The following PPCS variants were observed in gnomAD, a reference collection of about 807,000 sequenced individuals.
PPCS encodes the protein phosphopantothenoylcysteine synthetase, also known as phosphopantothenate--cysteine ligase.
A neutral mutation model predicts 24.6 loss-of-function variants in PPCS; 17 were observed. That is an observed-to-expected ratio of 0.69 (90% confidence interval 0.47 to 1.04). PPCS has a LOEUF of 1.04. PPCS is among the 50% of genes least tolerant of loss of function. The pLI, the probability that PPCS is intolerant of heterozygous loss-of-function variation, is 0.00. For missense variants in PPCS, 360 were observed against 402.8 expected, an observed-to-expected ratio of 0.89 and a Z score of 0.91; for synonymous variants, 190 against 168.3, an observed-to-expected ratio of 1.13 and a Z score of -1.00.
chr1:42,456,634 G>A lies in PPCS; in HGVS notation c.69G>A (p.Met23Ile), dbSNP rs1449819817. The A allele has an allele frequency of 6.4e-7, 1 of 1,565,556 alleles. No homozygotes were observed. Among genetic ancestry groups the A allele is most frequent in the Non-Finnish European group, 8.6e-7 (1 of 1,160,346 alleles). ...PPGAARWAEVMARFAARLGAQ... is the reference protein window; with the variant it reads ...PPGAARWAEVIARFAARLGAQ... ...GTGCTGCGCGCTGGGCTGAGGTTAT[G>A]GCTCGCTTCGCGGCCAGGCTGGGCG... Residue 23 changes from methionine (M) to isoleucine (I), a missense_variant, in exon 1 of 3, where the codon ATG (methionine) becomes ATA (isoleucine). By Grantham distance (10) the Met-to-Ile change is conservative (BLOSUM62 1). Transcript: ENST00000372561.
chr1:42,461,799 C>G (rs1643420244), downstream of PPCS, among the ~76,000 whole-genome samples: 1 of 152,122 alleles, frequency 6.6e-6, no homozygotes, highest in Non-Finnish European at 1.5e-5. Flanking sequence ...CCCGCCCCGG[C>G]CTTCCAAAGT....
At chr1:42,472,299 C>A (rs1008061859) in intron 2 of PPCS, among the ~76,000 whole-genome samples, 2 of 152,104 alleles carry the variant, frequency 1.3e-5, no homozygotes, top group African/African-American at 4.8e-5. Context: ...GATATCACTT[C>A]ATCGATCAGC....
intron 2 of PPCS, among the ~76,000 whole-genome samples, chr1:42,472,708 A>T (rs1643811336): frequency 6.6e-6 from 1 of 152,120 alleles, no homozygotes; most frequent in Non-Finnish European, 1.5e-5. Flanking sequence ...TTATTTTAGA[A>T]GATACACAGT....
At position 42,459,836 on chromosome 1, in the gene PPCS, G is replaced by A; in HGVS notation, c.846G>A (p.Glu282=). 6.2e-7 allele frequency: 1 copy of A among 1,614,158 alleles called. No homozygotes were observed. The highest frequency in any genetic ancestry group is 8.5e-7 in the Non-Finnish European group (1 of 1,180,032). Residue 282 remains glutamate (E), a synonymous_variant, in exon 3 of 3, where the codon GAG becomes GAA. Transcript: ENST00000372561. The part of the protein sequence containing the change: ...KDSETKLLLS[E]EEIEKGVEIE... ...CGGAAACCAAGTTATTGCTATCAGAGGAAGAAATAGAAAAAGGCGTAGAGA... is the reference window on the plus strand; with the variant it reads ...CGGAAACCAAGTTATTGCTATCAGAAGAAGAAATAGAAAAAGGCGTAGAGA...
chr1:42,457,166 G>C, intron 1 of PPCS, 81 bp from the exon 2 acceptor site: 3 of 1,600,656 alleles, frequency 1.9e-6, no homozygotes, highest in Non-Finnish European at 1.7e-6. Flanking sequence ...ACGGATCTCA[G>C]CTGGGGAACC....
In PPCS at chr1:42,461,167, G is replaced by A. The variant is rs1643400788; in HGVS notation, c.*1241G>A. On this transcript the variant is annotated 3_prime_UTR_variant, in exon 3 of 3. Coordinates refer to ENST00000372561, the MANE Select transcript of PPCS (RefSeq NM_024664.4). ...CAATTCATGGTGTTTCATGGAGTAG[G>A]GAAGGGTAGCCCCTGTGTCTGTCTG... Among the ~76,000 whole-genome samples, 1 of 152,150 alleles carries A rather than the reference G, an allele frequency of 6.6e-6. No individual in the cohort carries two copies. Among genetic ancestry groups the A allele is most frequent in the African/African-American group, 2.4e-5 (1 of 41,424 alleles).
intron 1 of PPCS, 32 bp from the exon 2 acceptor site, chr1:42,457,215 G>A (rs1557776238): frequency 3.1e-6 from 5 of 1,613,462 alleles, no homozygotes; most frequent in Admixed American, 3.3e-5. Flanking sequence ...GTACCTCGCC[G>A]ATTTGTTAAC....
intron 2 of PPCS, among the ~76,000 whole-genome samples, chr1:42,467,524 G>A (rs2148434274): frequency 6.6e-6 from 1 of 152,312 alleles, no homozygotes; most frequent in Non-Finnish European, 1.5e-5. Flanking sequence ...TATGTTGACA[G>A]TGATTTTAAC....
downstream of PPCS, among the ~76,000 whole-genome samples, chr1:42,465,353 T>G: frequency 6.6e-6 from 1 of 151,792 alleles, no homozygotes; most frequent in East Asian, 1.9e-4. Flanking sequence ...TTTTTTTTGT[T>G]TTTGTTTTTG....
In PPCS at chr1:42,456,631, T is replaced by C; in HGVS notation, c.66T>C (p.Val22=). The part of the protein sequence containing the change: ...QPPGAARWAE[V]MARFAARLGA... ...CCGGTGCTGCGCGCTGGGCTGAGGT[T>C]ATGGCTCGCTTCGCGGCCAGGCTGG... The change falls in exon 1 of 3, where the codon GTT becomes GTC. Residue 22 remains valine, a synonymous_variant. Coordinates refer to ENST00000372561, the MANE Select transcript of PPCS (RefSeq NM_024664.4). The C allele has an allele frequency of 1.9e-6, 3 of 1,562,958 alleles. No individual in the cohort carries two copies. Among genetic ancestry groups the C allele is most frequent in the African/African-American group, 1.4e-5 (1 of 73,930 alleles).
At chr1:42,456,416 T>C, upstream of PPCS, 2 of 869,746 alleles carry the variant, frequency 2.3e-6, no homozygotes, top group Non-Finnish European at 1.7e-6. Flanking sequence ...CAACTACGCA[T>C]TTCCAGACTT....
At chr1:42,472,272 G>T (rs952071451) in intron 2 of PPCS, among the ~76,000 whole-genome samples, 5 of 151,998 alleles carry the variant, frequency 3.3e-5, no homozygotes, top group Non-Finnish European at 7.4e-5. Context: ...AAAATAGTTA[G>T]TGGCTCTAGT....
chr1:42,457,344 A>G lies in PPCS; in HGVS notation c.606A>G (p.Pro202=). The G allele has an allele frequency of 1.9e-6, 3 of 1,613,294 alleles. No individual in the cohort carries two copies. Among genetic ancestry groups the G allele is most frequent in the South Asian group, 1.1e-5 (1 of 91,054 alleles). The part of the protein sequence containing the change: ...PEHKIQSSGG[P]LQITMKMVPK... Reference sequence around the variant, plus strand: ...ACAAGATCCAGTCATCTGGGGGCCCACTGCAGGTGATGGGCGCTTCTCTTC... The same window carrying G: ...ACAAGATCCAGTCATCTGGGGGCCCGCTGCAGGTGATGGGCGCTTCTCTTC... Residue 202 remains proline, a synonymous_variant, in exon 2 of 3, where the codon CCA becomes CCG. Transcript: ENST00000372561.
In PPCS at chr1:42,459,769, T is replaced by C. The variant is rs541572840; in HGVS notation, c.779T>C (p.Leu260Pro). ...CATCAAGTGGTGGTGGCTAATATCC[T>C]TGAGTCACGACAGTCCTTTGTGTTT... ...YQHQVVVANI[L>P]ESRQSFVFIV... The change falls in exon 3 of 3, where the codon CTT (leucine) becomes CCT (proline). Residue 260 changes from leucine to proline, a missense_variant. Leu to Pro is a moderately conservative substitution (Grantham distance 98, BLOSUM62 -3). This residue lies in a region of PPCS where 116 missense variants were observed against 168.1 expected (regional missense o/e 0.69). Coordinates refer to ENST00000372561, the MANE Select transcript of PPCS (RefSeq NM_024664.4). 6.2e-7 allele frequency: 1 copy of C among 1,614,188 alleles called. No individual in the cohort carries two copies. The highest frequency in any genetic ancestry group is 8.5e-7 in the Non-Finnish European group (1 of 1,180,026).
At chr1:42,470,786 T>G (rs993741390) in intron 2 of PPCS, among the ~76,000 whole-genome samples, 4 of 152,172 alleles carry the variant, frequency 2.6e-5, no homozygotes, top group African/African-American at 9.7e-5. Context: ...GAATAGAGAT[T>G]CCCAGGGCCT....
intron 2 of PPCS, among the ~76,000 whole-genome samples, chr1:42,472,392 C>G (rs184121269): frequency 6.6e-6 from 1 of 152,282 alleles, no homozygotes; most frequent in East Asian, 1.9e-4. Context: ...ATATTGATAG[C>G]AGGCTTAGAC....
downstream of PPCS, among the ~76,000 whole-genome samples, chr1:42,461,640 G>A (rs533997227): frequency 1.1e-4 from 16 of 150,306 alleles, no homozygotes; most frequent in Admixed American, 1.3e-4. Flanking sequence ...TCTGCCTCCC[G>A]GGTTCACACC....
chr1:42,469,936 T>C (rs1557787504), intron 2 of PPCS, among the ~76,000 whole-genome samples: 1 of 152,198 alleles, frequency 6.6e-6, no homozygotes, highest in Non-Finnish European at 1.5e-5. Flanking sequence ...GTTGAGAAGC[T>C]TGGCTCAGAC....
At chr1:42,463,731 T>A (rs1433898658), downstream of PPCS, 1 of 152,070 alleles carries the variant, frequency 6.6e-6, no homozygotes, top group African/African-American at 2.4e-5. Context: ...CGCCCGAAGG[T>A]CCAGGCCACT....
Sources: allele counts gnomAD v4.1 joint callset (sites outside exome capture counted in the v4.1 genomes callset), GRCh38; gene constraint gnomAD v4.1.1; regional missense constraint gnomAD v4.1.1; transcripts MANE v1.5; gene names NCBI Gene and HGNC (gene_info 2026-07-23, HGNC 2026-07-21).